The following TRPM3 variants were observed in gnomAD, a reference collection of about 807,000 sequenced individuals.
TRPM3 encodes the protein long transient receptor potential channel 3.
TRPM3 carries 77 observed loss-of-function variants against 181.2 expected under a neutral mutation model. The ratio of observed to expected loss-of-function variants is 0.42; its 90% CI spans 0.35 to 0.51. TRPM3 has a LOEUF of 0.51. Ranked by LOEUF, TRPM3 falls within the 20% of genes least tolerant of loss-of-function variation. The probability of loss-of-function intolerance (pLI) is 0.01; values close to 1 mark genes in which losing one functional copy is unlikely to be tolerated. For missense variants in TRPM3, 1,759 were observed against 2,196.7 expected (o/e 0.80, Z 3.98); for synonymous variants, 745 against 796.4 (o/e 0.94, Z 1.09).
intron 17 of TRPM3, among the ~76,000 whole-genome samples, 169 bp from the exon 18 acceptor site, chr9:70,616,244 A>C (rs1388606463): frequency 4.6e-5 from 7 of 152,022 alleles, no homozygotes; most frequent in African/African-American, 1.7e-4. Flanking sequence ...TGGACATCTG[A>C]GTAACTAACA....
chr9:71,437,263 A>G (rs1470023749), intron 1 of TRPM3, among the ~76,000 whole-genome samples: 1 of 152,252 alleles, frequency 6.6e-6, no homozygotes, highest in Non-Finnish European at 1.5e-5. Context: ...CAGAATCATA[A>G]TATCACTATT....
intron 1 of TRPM3, among the ~76,000 whole-genome samples, chr9:71,402,815 C>G (rs118087870): frequency 1.3e-5 from 2 of 152,082 alleles, no homozygotes; most frequent in Non-Finnish European, 2.9e-5. Context: ...TCAATTTGAA[C>G]CTTACACTAA....
At chr9:71,356,918 G>C (rs1465132807) in intron 1 of TRPM3, among the ~76,000 whole-genome samples, 2 of 152,086 alleles carry the variant, frequency 1.3e-5, no homozygotes, top group Non-Finnish European at 2.9e-5. Context: ...TTAAGACCTA[G>C]GACAGAAATG....
chr9:70,696,307 A>G (rs952574983), intron 8 of TRPM3, among the ~76,000 whole-genome samples: 4 of 152,174 alleles, frequency 2.6e-5, no homozygotes, highest in Admixed American at 6.5e-5. Flanking sequence ...TAGTTGCCCA[A>G]TGTCTGGGCT....
chr9:71,155,509 TTA>T (rs2075953750), intron 1 of TRPM3, among the ~76,000 whole-genome samples: 1 of 148,414 alleles, frequency 6.7e-6, no homozygotes, highest in Admixed American at 6.8e-5. Context: ...TTATTTTATT[TTA>T]TTTTATTTTA....
chr9:70,978,251 T>C (rs2097326671), intron 1 of TRPM3, among the ~76,000 whole-genome samples: 1 of 152,266 alleles, frequency 6.6e-6, no homozygotes, highest in African/African-American at 2.4e-5. Context: ...AGCGCAGCTA[T>C]GACTAACCTG....
At chr9:71,032,265 A>T (rs1163293082) in intron 1 of TRPM3, among the ~76,000 whole-genome samples, 1 of 139,934 alleles carries the variant, frequency 7.1e-6, no homozygotes, top group Non-Finnish European at 1.6e-5. Flanking sequence ...TGAAGAGCAG[A>T]ATAAGAGGCT....
intron 20 of TRPM3, among the ~76,000 whole-genome samples, chr9:70,602,797 A>G (rs2060305950): frequency 6.6e-6 from 1 of 152,156 alleles, no homozygotes; most frequent in African/African-American, 2.4e-5. Context: ...GGGACCCTGC[A>G]CTCACAACCT....
chr9:71,129,007 T>C (rs527699456), intron 1 of TRPM3, among the ~76,000 whole-genome samples: 3 of 152,334 alleles, frequency 2.0e-5, no homozygotes, highest in Non-Finnish European at 4.4e-5. Context: ...TCCGCTCACC[T>C]GGGAAACAGA....
At chr9:70,842,764 G>T (rs569776534) in intron 5 of TRPM3, among the ~76,000 whole-genome samples, 2 of 152,042 alleles carry the variant, frequency 1.3e-5, no homozygotes, top group Admixed American at 1.3e-4. Flanking sequence ...AAGCAGAGAG[G>T]GGGTAGGTGG....
intron 8 of TRPM3, among the ~76,000 whole-genome samples, chr9:70,749,369 C>T (rs764204463): frequency 2.0e-4 from 31 of 152,236 alleles, no homozygotes; most frequent in Middle Eastern, 3.4e-3. Flanking sequence ...ATTACAAAAA[C>T]CCCCAAGATA....
At position 71,294,398 on chromosome 9, in the gene TRPM3, G is replaced by A. The variant is rs547710926; in HGVS notation, c.183+152255C>T. On this transcript the variant is annotated intron_variant, in intron 1 of 24. Transcript: ENST00000357533. Reference sequence around the variant, plus strand: ...CAGACTCTTTAGTAAGCAAGGAAATGCAAATTAAAATCTCAAGGAGATACC... The same window carrying A: ...CAGACTCTTTAGTAAGCAAGGAAATACAAATTAAAATCTCAAGGAGATACC... Among the ~76,000 whole-genome samples, 8 of 152,136 alleles carry A rather than the reference G, an allele frequency of 5.3e-5. No individual in the cohort carries two copies. In the South Asian group the frequency reaches 8.3e-4, roughly 16 times the overall value.
At chr9:71,000,919 A>C (rs2097592391) in intron 1 of TRPM3, among the ~76,000 whole-genome samples, 1 of 152,250 alleles carries the variant, frequency 6.6e-6, no homozygotes, top group Admixed American at 6.5e-5. Context: ...TAGTCTGATA[A>C]GTTTTGTTCC....
At chr9:71,377,866 A>G (rs1470498662) in intron 1 of TRPM3, among the ~76,000 whole-genome samples, 1 of 152,062 alleles carries the variant, frequency 6.6e-6, no homozygotes, top group African/African-American at 2.4e-5. Flanking sequence ...TTTGGCTAAT[A>G]TTATGTTTAT....
At chr9:71,072,964 A>G (rs2133580699) in intron 1 of TRPM3, among the ~76,000 whole-genome samples, 1 of 152,320 alleles carries the variant, frequency 6.6e-6, no homozygotes, top group South Asian at 2.1e-4. Context: ...AGGGCTGAAG[A>G]AGCTCGAGGT....
At chr9:71,111,023 C>T (rs541392327) in intron 1 of TRPM3, among the ~76,000 whole-genome samples, 4 of 152,226 alleles carry the variant, frequency 2.6e-5, no homozygotes, top group Admixed American at 6.5e-5. Flanking sequence ...AAAAATTAAA[C>T]ATTTCACTGG....
chr9:71,436,760 G>T (rs1470547432), intron 1 of TRPM3, among the ~76,000 whole-genome samples: 7 of 152,244 alleles, frequency 4.6e-5, no homozygotes, highest in Admixed American at 4.6e-4. Flanking sequence ...ACACAGCCCT[G>T]CTGACATCTT....
chr9:71,438,865 C>T (rs2094090353), intron 1 of TRPM3, among the ~76,000 whole-genome samples: 1 of 152,080 alleles, frequency 6.6e-6, no homozygotes, highest in Non-Finnish European at 1.5e-5. Flanking sequence ...TACACCATTG[C>T]CTCTACTTTT....
intron 6 of TRPM3, among the ~76,000 whole-genome samples, chr9:70,820,185 T>A (rs983166671): frequency 1.1e-4 from 16 of 152,174 alleles, no homozygotes; most frequent in Non-Finnish European, 1.6e-4. Flanking sequence ...ACAACTACAG[T>A]TTAGAATATA....
Sources: gnomAD v4.1 joint callset for allele counts (sites outside exome capture counted in the v4.1 genomes callset) on GRCh38, gnomAD v4.1.1 for gene constraint, MANE v1.5 for transcripts, NCBI Gene and HGNC (gene_info 2026-07-23, HGNC 2026-07-21) for gene names.